Variants in RTCB observed in about 807,000 individuals in gnomAD.
RTCB encodes the protein RNA-splicing ligase RTCB.
In RTCB, 32 loss-of-function variants were observed where a neutral mutation model predicts 58.2. That is an observed-to-expected ratio of 0.55 (90% confidence interval 0.41 to 0.74). The LOEUF is 0.74. Among genes scored for constraint, RTCB ranks in the 30% least tolerant of loss-of-function variants. The pLI, the probability that RTCB is intolerant of heterozygous loss-of-function variation, is 0.00. For missense variants in RTCB, 523 were observed against 639.0 expected (o/e 0.82, Z 1.96); for synonymous variants, 247 against 218.6 (o/e 1.13, Z -1.15).
Position 32,401,752 on chromosome 22 carries a change from A to G in RTCB, c.492T>C (p.Asn164=), listed in dbSNP as rs1933339353. Residue 164 remains asparagine, a synonymous_variant, in exon 5 of 12, where the codon AAT becomes AAC. Coordinates refer to ENST00000216038, the MANE Select transcript of RTCB (RefSeq NM_014306.5). ...GVGSKGVIPM[N]AKDLEEALEM... ...CTGGAAACGTGTGCTCTTACTTGGC[A>G]TTCATTGGGATGACACCTTTTGACC... The G allele has an allele frequency of 1.2e-6, 2 of 1,613,770 alleles. No homozygotes were observed. Among genetic ancestry groups the G allele is most frequent in the Non-Finnish European group, 1.7e-6 (2 of 1,179,842 alleles).
rs1029575633 is a variant in RTCB at position 32,408,247 on chromosome 22, A to C, written c.173-5T>G. 2 of 1,613,514 alleles carry C rather than the reference A, an allele frequency of 1.2e-6. No homozygotes were observed. The highest frequency in any genetic ancestry group is 2.7e-5 in the African/African-American group (2 of 74,932). ...CTGGCAGGAAGCCACCAACACCTGA[A>C]GACAAAAATTGGGTATTAGAAAAGA... On this transcript the variant is annotated splice_region_variant and splice_polypyrimidine_tract_variant and intron_variant, in intron 2 of 11. Transcript: ENST00000216038.
chr22:32,393,916 GGTCTCA>G lies in RTCB; in HGVS notation c.1260_1265del (p.Glu421_Thr422del). ...CCGCTCCATGACAGGTTGTTCCAAA[GGTCTCA>G]GTCATGCCCTGTTCAGTGCCAGTAA... On this transcript the variant is annotated inframe_deletion, in exon 10 of 12. Transcript: ENST00000216038. 1 of 1,613,698 alleles carries G rather than the reference GGTCTCA, an allele frequency of 6.2e-7. No homozygotes were observed. The highest frequency in any genetic ancestry group is 1.1e-5 in the South Asian group (1 of 91,080).
intron 4 of RTCB, among the ~76,000 whole-genome samples, chr22:32,405,921 T>C (rs1418196889): frequency 3.3e-5 from 5 of 152,186 alleles, no homozygotes; most frequent in African/African-American, 4.8e-5. Flanking sequence ...CTTCTGTATA[T>C]TCAATGTTAT....
chr22:32,412,234 C>T lies in RTCB; in HGVS notation c.-78G>A. 1 of 1,258,002 alleles carries T rather than the reference C, an allele frequency of 7.9e-7. No homozygotes were observed. The highest frequency in any genetic ancestry group is 1.1e-6 in the Non-Finnish European group (1 of 901,352). The allele number at this position is 1,258,002 out of a possible 1,614,324, so 77.9% of individuals were successfully genotyped here. ...CGCGTAGTCCGGCTTCTCAGAGCAC[C>T]GCCTTCCAAGAACCAAAGCGCAGGC... On this transcript the variant is annotated 5_prime_UTR_variant, in exon 1 of 12. Transcript: ENST00000216038.
rs1021961799 is a variant in RTCB, at chr22:32,396,259, G to A, written c.815-10C>T. On this transcript the variant is annotated splice_polypyrimidine_tract_variant and intron_variant, in intron 7 of 11. Coordinates refer to ENST00000216038, the MANE Select transcript of RTCB (RefSeq NM_014306.5). ...ATAGCTACCAGCGCATCTGGAACAA[G>A]AGCCACAAAGTCCAAACCAGTTAGC... 5.6e-6 allele frequency: 9 copies of A among 1,613,546 alleles called. No homozygotes were observed. Among genetic ancestry groups the A allele is most frequent in the Admixed American group, 1.7e-5 (1 of 59,966 alleles).
At chr22:32,405,791 T>A (rs1027968857) in intron 4 of RTCB, among the ~76,000 whole-genome samples, 4 of 152,334 alleles carry the variant, frequency 2.6e-5, no homozygotes, top group Admixed American at 6.5e-5. Flanking sequence ...GAAACAGAAC[T>A]CTCAAGATGT....
At chr22:32,402,394 C>T (rs1601428978) in intron 4 of RTCB, among the ~76,000 whole-genome samples, 1 of 152,214 alleles carries the variant, frequency 6.6e-6, no homozygotes, top group South Asian at 2.1e-4. Context: ...TTTAAGGCTG[C>T]ATGTTTCCAT....
rs1933540673 is a variant in RTCB, at chr22:32,412,149, C to T, written c.8G>A (p.Arg3His). MS[R>H]SYNDELQFLE... is the part of the protein sequence containing the mutation. ...GAACTGCAGCTCATCATTATAGCTG[C>T]GACTCATGGTGGCGAAAACTGTAGC... Residue 3 changes from arginine (R) to histidine (H), a missense_variant, in exon 1 of 12, where the codon CGC (arginine) becomes CAC (histidine). Transcript: ENST00000216038. 1.3e-6 allele frequency: 2 copies of T among 1,594,312 alleles called. No individual in the cohort carries two copies. Among genetic ancestry groups the T allele is most frequent in the Admixed American group, 1.8e-5 (1 of 57,136 alleles).
Position 32,408,804 on chromosome 22 carries a change from A to G in RTCB, c.123T>C (p.Ala41=), listed in dbSNP as rs765321079. The part of the protein sequence containing the change: ...QVEGVFYVND[A]LEKLMFEELR... The stretch of plus-strand genomic sequence containing the variant: ...ATTCCTCAAACATCAATTTCTCCAG[A>G]GCATCATTCACATAGAAAACACCTT... Residue 41 remains alanine, a synonymous_variant, in exon 2 of 12, where the codon GCT becomes GCC. Coordinates refer to ENST00000216038, the MANE Select transcript of RTCB (RefSeq NM_014306.5). 1.1e-5 allele frequency: 17 copies of G among 1,613,884 alleles called. No individual in the cohort carries two copies. In the African/African-American group the frequency reaches 1.9e-4, roughly 18 times the overall value.
intron 7 of RTCB, among the ~76,000 whole-genome samples, chr22:32,396,573 T>C (rs546166432): frequency 1.3e-3 from 204 of 152,334 alleles, no homozygotes; most frequent in African/African-American, 4.8e-3. Context: ...ATGGGAATAG[T>C]AGTAGCAAAA....
At chr22:32,395,719 G>A (rs935331237) in intron 8 of RTCB, among the ~76,000 whole-genome samples, 12 of 151,900 alleles carry the variant, frequency 7.9e-5, no homozygotes, top group African/African-American at 2.9e-4. Context: ...TTGGAGACAG[G>A]AGTCTCACTC....
At chr22:32,391,403 T>TC (rs1933152503) in intron 11 of RTCB, among the ~76,000 whole-genome samples, 1 of 151,716 alleles carries the variant, frequency 6.6e-6, no homozygotes. Context: ...AAATTTTTTT[T>TC]TTTTTTTTTT....
At position 32,387,917 on chromosome 22, in the gene RTCB, T is replaced by C. The variant is rs12530; in HGVS notation, c.*75A>G. The C allele has an allele frequency of 0.15, 150,352 of 979,458 alleles. 13,715 individuals carry two copies. Among genetic ancestry groups the C allele is most frequent in the Non-Finnish European group, 0.19 (116,906 of 611,570 alleles). 60.7% of individuals were successfully genotyped at this position (979,458 alleles called of 1,614,324 possible). ...GCAACTTGTCCCGCCTTGAGTCTGA[T>C]GTCAGAAGAGCATGTCAGTCCACTT... On this transcript the variant is annotated 3_prime_UTR_variant, in exon 12 of 12. Coordinates refer to ENST00000216038, the MANE Select transcript of RTCB (RefSeq NM_014306.5).
chr22:32,396,419 G>A (rs563017003), intron 7 of RTCB, among the ~76,000 whole-genome samples, 170 bp from the exon 8 acceptor site: 4 of 152,300 alleles, frequency 2.6e-5, no homozygotes, highest in African/African-American at 4.8e-5. Flanking sequence ...CAGTCAAGAC[G>A]TACTTGAGAA....
At chr22:32,409,419 T>A (rs777170438) in intron 1 of RTCB, among the ~76,000 whole-genome samples, 12 of 152,238 alleles carry the variant, frequency 7.9e-5, no homozygotes, top group African/African-American at 1.9e-4. Context: ...TATAATTTTT[T>A]AAAAAATCTA....
chr22:32,390,384 TA>T, intron 11 of RTCB, among the ~76,000 whole-genome samples: 1 of 152,032 alleles, frequency 6.6e-6, no homozygotes, highest in East Asian at 1.9e-4. Flanking sequence ...ATCCAAATTT[TA>T]ACTGTAATTA....
chr22:32,393,713 A>G (rs1382259944), intron 10 of RTCB, among the ~76,000 whole-genome samples, 179 bp downstream of exon 10: 4 of 152,220 alleles, frequency 2.6e-5, no homozygotes, highest in Admixed American at 2.6e-4. Flanking sequence ...CAGAGATACT[A>G]GGTGACCCCA....
intron 4 of RTCB, among the ~76,000 whole-genome samples, chr22:32,402,433 A>C (rs1221135042): frequency 4.6e-5 from 7 of 152,136 alleles, no homozygotes; most frequent in Admixed American, 4.6e-4. Flanking sequence ...GTGACCTCAA[A>C]ATTTTAGACA....
intron 11 of RTCB, among the ~76,000 whole-genome samples, chr22:32,391,356 T>TA (rs1352867524): frequency 1.3e-5 from 2 of 151,538 alleles, no homozygotes; most frequent in African/African-American, 2.4e-5. Context: ...AGACTAGCTT[T>TA]AAAAAAAGCA....
Sources: gnomAD v4.1 joint callset for allele counts (sites outside exome capture counted in the v4.1 genomes callset) on GRCh38, gnomAD v4.1.1 for gene constraint, MANE v1.5 for transcripts, NCBI Gene and HGNC (gene_info 2026-07-23, HGNC 2026-07-21) for gene names.